Variants in TRAPPC13 observed in about 807,000 individuals in gnomAD.
TRAPPC13 encodes the protein trafficking protein particle complex subunit 13, also known as REV7-interacting novel NHEJ regulator 1.
A neutral mutation model predicts 54.0 loss-of-function variants in TRAPPC13; 39 were observed. The ratio of observed to expected loss-of-function variants is 0.72; its 90% CI spans 0.56 to 0.94. The LOEUF (loss-of-function observed/expected upper bound fraction) is 0.94, where lower values mean the gene tolerates loss of function less well. TRAPPC13 is among the 40% of genes least tolerant of loss of function. The probability of loss-of-function intolerance (pLI) is 0.00; values close to 1 mark genes in which losing one functional copy is unlikely to be tolerated. For missense variants in TRAPPC13, 386 were observed against 488.1 expected (o/e 0.79, Z 1.97); for synonymous variants, 148 against 167.7 (o/e 0.88, Z 0.91).
At chr5:65,660,982 T>TA in intron 10 of TRAPPC13, 85 bp downstream of exon 10, 1 of 1,164,664 alleles carries the variant, frequency 8.6e-7, no homozygotes, top group African/African-American at 1.6e-5. Flanking sequence ...CATCCAGCAG[T>TA]AAAAAATTGG....
At chr5:65,625,251 G>T in intron 1 of TRAPPC13, 145 bp downstream of exon 1, 1 of 699,774 alleles carries the variant, frequency 1.4e-6, no homozygotes, top group South Asian at 1.7e-5. Flanking sequence ...GGGAGGAAGC[G>T]ATTTCTCCTG....
At chr5:65,659,967 C>CAAAAAAAAAAAAAAAA (rs141876171) in intron 9 of TRAPPC13, among the ~76,000 whole-genome samples, 4 of 95,230 alleles carry the variant, frequency 4.2e-5, no homozygotes, top group Admixed American at 2.6e-4. Context: ...GTATTTTAAA[C>CAAAAAAAAAAAAAAAA]AAAAAAAAAA....
At chr5:65,659,967 C>CAAAAAAA (rs141876171) in intron 9 of TRAPPC13, among the ~76,000 whole-genome samples, 51 of 95,206 alleles carry the variant, frequency 5.4e-4, no homozygotes, top group Non-Finnish European at 7.2e-4. Flanking sequence ...GTATTTTAAA[C>CAAAAAAA]AAAAAAAAAA....
rs1246569940 is a variant in TRAPPC13, at chr5:65,660,702, G to A, written c.702G>A (p.Val234=). ...LNSVSQAGEC[V]STFGSRAYLQ... is the part of the protein sequence containing the mutation. ...TCTCTGTCTCCACCCCTCTCAGTGT[G>A]TCTACGTTTGGGTCAAGAGCATATT... Residue 234 remains valine (V), a synonymous_variant, in exon 10 of 13, where the codon GTG becomes GTA. Transcript: ENST00000399438. The A allele has an allele frequency of 6.2e-7, 1 of 1,603,334 alleles. No homozygotes were observed. Among genetic ancestry groups the A allele is most frequent in the Non-Finnish European group, 8.5e-7 (1 of 1,175,200 alleles).
intron 4 of TRAPPC13, among the ~76,000 whole-genome samples, chr5:65,644,458 C>G (rs1756103495): frequency 6.6e-6 from 1 of 152,182 alleles, no homozygotes; most frequent in South Asian, 2.1e-4. Flanking sequence ...TTCCTCTTTG[C>G]CTTTTCAAAT....
At chr5:65,646,618 G>GA (rs1420018396) in intron 4 of TRAPPC13, among the ~76,000 whole-genome samples, 1 of 151,900 alleles carries the variant, frequency 6.6e-6, no homozygotes, top group Non-Finnish European at 1.5e-5. Context: ...ATAAAATGGT[G>GA]AAAAAACACG....
intron 6 of TRAPPC13, among the ~76,000 whole-genome samples, chr5:65,651,137 T>C (rs982508725): frequency 2.0e-5 from 3 of 152,204 alleles, no homozygotes; most frequent in African/African-American, 7.2e-5. Flanking sequence ...AAAAAATAGC[T>C]GAGTCTGGCA....
intron 7 of TRAPPC13, among the ~76,000 whole-genome samples, chr5:65,654,579 T>C (rs1343619224): frequency 2.0e-5 from 3 of 152,164 alleles, no homozygotes; most frequent in African/African-American, 7.2e-5. Context: ...GAATTTCAGG[T>C]AGATTGTAGG....
At chr5:65,659,357 T>C (rs766668029) in intron 9 of TRAPPC13, among the ~76,000 whole-genome samples, 6 of 152,216 alleles carry the variant, frequency 3.9e-5, no homozygotes, top group Non-Finnish European at 7.3e-5. Context: ...CATCCCTCCA[T>C]TACATAAAAA....
At chr5:65,652,339 CT>C (rs11354403) in intron 6 of TRAPPC13, among the ~76,000 whole-genome samples, 161 bp from the exon 7 acceptor site, 2 of 116,232 alleles carry the variant, frequency 1.7e-5, no homozygotes, top group African/African-American at 3.1e-5. Flanking sequence ...TTTTTCTTTT[CT>C]TTTTTTTTTT....
intron 1 of TRAPPC13, among the ~76,000 whole-genome samples, chr5:65,626,977 C>G (rs919262483): frequency 1.3e-5 from 2 of 150,544 alleles, no homozygotes; most frequent in Non-Finnish European, 3.0e-5. Flanking sequence ...CCGTCTATAC[C>G]AAAAATACAA....
intron 5 of TRAPPC13, among the ~76,000 whole-genome samples, chr5:65,649,227 C>CTT (rs35395647): frequency 4.0e-5 from 6 of 150,866 alleles, no homozygotes; most frequent in Non-Finnish European, 7.4e-5. Context: ...AAAAAAGAAA[C>CTT]TTTTTTTTTA....
chr5:65,629,822 G>A, intron 1 of TRAPPC13: 1 of 1,536,036 alleles, frequency 6.5e-7, no homozygotes, highest in South Asian at 1.2e-5. Context: ...AGAACATGAT[G>A]CTAAGTCACA....
At chr5:65,660,584 T>C in intron 9 of TRAPPC13, 115 bp from the exon 10 acceptor site, 1 of 640,324 alleles carries the variant, frequency 1.6e-6, no homozygotes, top group South Asian at 4.4e-5. Context: ...TGTTCTGTTG[T>C]TGATCTTTGG....
At chr5:65,654,829 C>T (rs534459245) in intron 7 of TRAPPC13, among the ~76,000 whole-genome samples, 1 of 152,306 alleles carries the variant, frequency 6.6e-6, no homozygotes, top group South Asian at 2.1e-4. Context: ...AGGTTTCAAA[C>T]ATTTGGTCAC....
At chr5:65,632,881 A>G (rs549887645) in intron 1 of TRAPPC13, among the ~76,000 whole-genome samples, 1 of 152,216 alleles carries the variant, frequency 6.6e-6, no homozygotes, top group Non-Finnish European at 1.5e-5. Flanking sequence ...CTTTCAAAAT[A>G]ATGTCAGTTA....
chr5:65,625,166 A>C lies in TRAPPC13; in HGVS notation c.46+60A>C. On this transcript the variant is annotated intron_variant, in intron 1 of 12. Coordinates refer to ENST00000399438, the MANE Select transcript of TRAPPC13 (RefSeq NM_024941.4). ...TTTCCTTGCATTCCCTACTTATCGA[A>C]GCCTTTGCCATGTAGGCCTCATCCT... The C allele has an allele frequency of 3.5e-6, 5 of 1,416,632 alleles. No homozygotes were observed. The South Asian group carries it at 5.7e-5, about 16-fold the overall frequency. 87.8% of individuals were successfully genotyped at this position (1,416,632 alleles called of 1,614,324 possible).
chr5:65,645,658 G>A (rs1756165859), intron 4 of TRAPPC13, among the ~76,000 whole-genome samples: 1 of 152,072 alleles, frequency 6.6e-6, no homozygotes, highest in Non-Finnish European at 1.5e-5. Flanking sequence ...CAAAAAATTA[G>A]CCAGGCGTGG....
rs1231487335 is a variant in TRAPPC13 at position 65,666,061 on chromosome 5, A to C, written c.*1450A>C. The C allele has an allele frequency of 6.6e-6, 1 of 152,632 alleles. No individual in the cohort carries two copies. The highest frequency in any genetic ancestry group is 6.5e-5 in the Admixed American group (1 of 15,284). 9.5% of individuals were successfully genotyped at this position (152,632 alleles called of 1,614,324 possible). ...TGTCTGTACAAAATAAAGTGCAAGCAGTGTAAAATTGAAGTCTGTCTTTGT... is the reference window on the plus strand; with the variant it reads ...TGTCTGTACAAAATAAAGTGCAAGCCGTGTAAAATTGAAGTCTGTCTTTGT... On this transcript the variant is annotated 3_prime_UTR_variant, in exon 13 of 13. Coordinates refer to ENST00000399438, the MANE Select transcript of TRAPPC13 (RefSeq NM_024941.4).
Sources: gnomAD v4.1 joint callset for allele counts (sites outside exome capture counted in the v4.1 genomes callset) on GRCh38, gnomAD v4.1.1 for gene constraint, MANE v1.5 for transcripts, NCBI Gene and HGNC (gene_info 2026-07-23, HGNC 2026-07-21) for gene names.